MAP3K4: variants seen among roughly 807,000 people sequenced by gnomAD.
The protein encoded by MAP3K4 is MAP three kinase 1.
Under a neutral mutation model 185.6 loss-of-function variants are expected in MAP3K4, and 67 were observed. The ratio of observed to expected loss-of-function variants is 0.36; its 90% CI spans 0.30 to 0.44. The LOEUF (loss-of-function observed/expected upper bound fraction) is 0.44. MAP3K4 is among the 20% of genes least tolerant of loss of function. The pLI is 1.00. For synonymous variants in MAP3K4, 702 were observed against 710.4 expected (o/e 0.99, Z 0.19); for missense variants, 1,551 against 1,995.1 (o/e 0.78, Z 4.24).
rs1562477292 is a variant in MAP3K4, at chr6:161,007,815, T to C, written c.152+15732T>C. 6.6e-6 allele frequency among the ~76,000 whole-genome samples: 1 copy of C among 152,188 alleles called. No individual in the cohort carries two copies. The highest frequency in any genetic ancestry group is 1.5e-5 in the Non-Finnish European group (1 of 68,026). ...AAACATAAAAGGCTGTCAATTGTAATATGCAGCATAAATTTTATATGTCAC... is the reference window on the plus strand; with the variant it reads ...AAACATAAAAGGCTGTCAATTGTAACATGCAGCATAAATTTTATATGTCAC... On this transcript the variant is annotated intron_variant, in intron 1 of 26. Transcript: ENST00000392142. This position sits in a 1 kb window ranked among gnomAD's most constrained non-coding sequence, Gnocchi z 4.5.
intron 3 of MAP3K4, among the ~76,000 whole-genome samples, chr6:161,065,842 G>T (rs1377945372): frequency 6.8e-6 from 1 of 147,998 alleles, no homozygotes; most frequent in Non-Finnish European, 1.5e-5. Context: ...GGAGGCTGAG[G>T]CAGGAGAATG....
intron 1 of MAP3K4, among the ~76,000 whole-genome samples, chr6:161,005,513 T>A (rs705828): frequency 0.76 from 115,874 of 151,970 alleles, 44,690 homozygotes; most frequent in Non-Finnish European, 0.82. Flanking sequence ...GAATACCCAT[T>A]GATTAAGTCA....
intron 3 of MAP3K4, among the ~76,000 whole-genome samples, chr6:161,068,469 G>A (rs1349724792): frequency 6.6e-6 from 1 of 152,204 alleles, no homozygotes; most frequent in East Asian, 1.9e-4. Flanking sequence ...GGTGGTGGCA[G>A]GAGATAAGGA....
At chr6:161,036,569 T>A (rs1783173183) in intron 2 of MAP3K4, among the ~76,000 whole-genome samples, 1 of 152,230 alleles carries the variant, frequency 6.6e-6, no homozygotes, top group East Asian at 1.9e-4. Flanking sequence ...TTTAATGTTT[T>A]ATGAACTTTT....
Position 161,048,915 on chromosome 6 carries a change from A to C in MAP3K4, c.643A>C (p.Arg215=). The change falls in exon 3 of 27, where the codon AGG becomes CGG. Residue 215 remains arginine, a synonymous_variant. Transcript: ENST00000392142. The surrounding 1 kb of genome is among the most constrained non-coding windows in gnomAD (Gnocchi z 4.7). ...PIARPARQTS[R]TDCPADRLKF... is the part of the protein sequence containing the mutation. ...AGCCAGACCTGCACGCCAGACTTCTAGGACTGACTGTCCAGCAGATCGTTT... is the reference window on the plus strand; with the variant it reads ...AGCCAGACCTGCACGCCAGACTTCTCGGACTGACTGTCCAGCAGATCGTTT... 6.2e-7 allele frequency: 1 copy of C among 1,614,152 alleles called. No individual in the cohort carries two copies. Among genetic ancestry groups the C allele is most frequent in the Non-Finnish European group, 8.5e-7 (1 of 1,180,028 alleles).
In MAP3K4 at chr6:161,080,554, A is replaced by G; in HGVS notation, c.2098-327A>G. The G allele has an allele frequency of 3.3e-6, 1 of 300,904 alleles. No homozygotes were observed. 18.6% of individuals were successfully genotyped at this position (300,904 alleles called of 1,614,324 possible). ...AACCTCTTAAAGGAATAATGTTGAC[A>G]GTACATTCATAATGAAAAGTTCTGG... On this transcript the variant is annotated intron_variant, in intron 5 of 26. Transcript: ENST00000392142. The surrounding 1 kb of genome is among the most constrained non-coding windows in gnomAD (Gnocchi z 4.8).
Position 161,084,758 on chromosome 6 carries a change from T to C in MAP3K4, c.2372+141T>C. ...GGCAGTAGATGTAAAGGGATTTATT[T>C]ATAACTGCCTTGTCTTTTCATGTGA... On this transcript the variant is annotated intron_variant, in intron 7 of 26. Transcript: ENST00000392142. This position sits in a 1 kb window ranked among gnomAD's most constrained non-coding sequence, Gnocchi z 4.6. 1 of 529,190 alleles carries C rather than the reference T, an allele frequency of 1.9e-6. No individual in the cohort carries two copies. Among genetic ancestry groups the C allele is most frequent in the East Asian group, 3.0e-5 (1 of 33,592 alleles). The allele number at this position is 529,190 out of a possible 1,614,324, so 32.8% of individuals were successfully genotyped here. A position where few individuals can be genotyped will look rare whatever the true frequency, so the allele number is the denominator to read the frequency against.
Position 161,111,930 on chromosome 6 carries a change from T to C in MAP3K4, c.4491T>C (p.Gly1497=), listed in dbSNP as rs1420864187. Residue 1497 remains glycine, a synonymous_variant, in exon 24 of 27, where the codon GGT becomes GGC. Coordinates refer to ENST00000392142, the MANE Select transcript of MAP3K4 (RefSeq NM_005922.4). ...KLKNNAQTMP[G]EVNSTLGTAA... Reference sequence around the variant, plus strand: ...AAAACAATGCCCAGACCATGCCTGGTGAAGTGAACAGCACCCTGGGGACAG... The same window carrying C: ...AAAACAATGCCCAGACCATGCCTGGCGAAGTGAACAGCACCCTGGGGACAG... The C allele has an allele frequency of 2.5e-6, 4 of 1,614,046 alleles. No individual in the cohort carries two copies. Among genetic ancestry groups the C allele is most frequent in the Admixed American group, 1.7e-5 (1 of 60,006 alleles).
chr6:161,058,613 C>T (rs1194404817), intron 3 of MAP3K4, among the ~76,000 whole-genome samples: 2 of 152,132 alleles, frequency 1.3e-5, no homozygotes, highest in Admixed American at 1.3e-4. Context: ...TTTATATTTT[C>T]TAGAGTTTTT....
chr6:161,034,175 A>G lies in MAP3K4; in HGVS notation c.153-84A>G. On this transcript the variant is annotated intron_variant, in intron 1 of 26. Coordinates refer to ENST00000392142, the MANE Select transcript of MAP3K4 (RefSeq NM_005922.4). The surrounding 1 kb of genome is among the most constrained non-coding windows in gnomAD (Gnocchi z 4.4). ...GATTTTTCTGTACAAAAGTTTTACA[A>G]AGAATTATTTAAAAAATTATAAGTA... 8.8e-7 allele frequency: 1 copy of G among 1,134,578 alleles called. No homozygotes were observed. Among genetic ancestry groups the G allele is most frequent in the Admixed American group, 2.4e-5 (1 of 41,520 alleles). The allele number at this position is 1,134,578 out of a possible 1,614,324, so 70.3% of individuals were successfully genotyped here.
At position 161,097,095 on chromosome 6, in the gene MAP3K4, G is replaced by GC; in HGVS notation, c.3448dup (p.Arg1150ProfsTer10). 1 of 1,614,036 alleles carries GC rather than the reference G, an allele frequency of 6.2e-7. No individual in the cohort carries two copies. Among genetic ancestry groups the GC allele is most frequent in the Non-Finnish European group, 8.5e-7 (1 of 1,179,972 alleles). On this transcript the variant is annotated frameshift_variant, in exon 16 of 27. Coordinates refer to ENST00000392142, the MANE Select transcript of MAP3K4 (RefSeq NM_005922.4). LOFTEE classifies it high-confidence loss of function. This position sits in a 1 kb window ranked among gnomAD's most constrained non-coding sequence, Gnocchi z 4.9. ...TTGCTGGCAGCCATTCATCGGAACA[G>GC]CCCCCGTCCTATGAAGGTACCTCGA...
In MAP3K4 at chr6:161,022,026, A is replaced by G. The variant is rs950312668; in HGVS notation, c.153-12233A>G. Among the ~76,000 whole-genome samples the G allele has an allele frequency of 2.0e-5, 3 of 152,206 alleles. No individual in the cohort carries two copies. The highest frequency in any genetic ancestry group is 7.2e-5 in the African/African-American group (3 of 41,458). On this transcript the variant is annotated intron_variant, in intron 1 of 26. Coordinates refer to ENST00000392142, the MANE Select transcript of MAP3K4 (RefSeq NM_005922.4). The surrounding 1 kb of genome is among the most constrained non-coding windows in gnomAD (Gnocchi z 4.2). ...CCCTTATAGAATCCTGTTTTCAATG[A>G]AAAAGAAAAAAGAAGAGTTGTTGTT...
rs1777809707 is a variant in MAP3K4, at chr6:161,100,830, C to T, written c.3675-1062C>T. Among the ~76,000 whole-genome samples, 1 of 152,104 alleles carries T rather than the reference C, an allele frequency of 6.6e-6. No individual in the cohort carries two copies. Among genetic ancestry groups the T allele is most frequent in the African/African-American group, 2.4e-5 (1 of 41,392 alleles). ...TGGAGTAGGCTTCCTCACTTCAACA[C>T]CAGTGGTTTTCCCGTCAGATAGTGC... On this transcript the variant is annotated intron_variant, in intron 17 of 26. Coordinates refer to ENST00000392142, the MANE Select transcript of MAP3K4 (RefSeq NM_005922.4). This position sits in a 1 kb window ranked among gnomAD's most constrained non-coding sequence, Gnocchi z 5.8.
chr6:161,030,932 T>A lies in MAP3K4; in HGVS notation c.153-3327T>A, dbSNP rs184037765. ...TCCTAAGAAAATATTAAATTCATTT[T>A]AATTACGAATTATAAGTATAGTGGC... On this transcript the variant is annotated intron_variant, in intron 1 of 26. Transcript: ENST00000392142. Among the ~76,000 whole-genome samples, 435 of 152,364 alleles carry A rather than the reference T, an allele frequency of 2.9e-3. 1 individual carries two copies. Among genetic ancestry groups the A allele is most frequent in the African/African-American group, 0.01 (416 of 41,580 alleles).
intron 1 of MAP3K4, among the ~76,000 whole-genome samples, chr6:161,004,886 C>T (rs1035541542): frequency 1.3e-5 from 2 of 152,086 alleles, no homozygotes; most frequent in East Asian, 3.9e-4. Context: ...TAAAGAATAA[C>T]TTTTACAGTC....
chr6:161,104,706 T>A (rs1222839834), intron 19 of MAP3K4, among the ~76,000 whole-genome samples: 1 of 60,700 alleles, frequency 1.6e-5, no homozygotes, highest in Admixed American at 1.9e-4. Flanking sequence ...GGAGACTCCA[T>A]CTCAAAAAAA....
chr6:161,040,023 T>C (rs912947907), intron 2 of MAP3K4, among the ~76,000 whole-genome samples: 3 of 152,186 alleles, frequency 2.0e-5, no homozygotes, highest in Non-Finnish European at 4.4e-5. Flanking sequence ...ATTGCTGTAT[T>C]GAATGGTATG....
At chr6:161,060,913 C>T (rs2114791234) in intron 3 of MAP3K4, among the ~76,000 whole-genome samples, 1 of 152,284 alleles carries the variant, frequency 6.6e-6, no homozygotes, top group African/African-American at 2.4e-5. Context: ...AGCCACCGCG[C>T]CCGGCCACTG....
rs1486428235 is a variant in MAP3K4, at chr6:161,070,294, C to G, written c.1708-314C>G. The stretch of plus-strand genomic sequence containing the variant: ...TATATAACCTGAAAAATAAAGTGTT[C>G]TGATCATTTTAAGTGTGAGGCAAAA... On this transcript the variant is annotated intron_variant, in intron 3 of 26. Transcript: ENST00000392142. The surrounding 1 kb of genome is among the most constrained non-coding windows in gnomAD (Gnocchi z 4.5). Among the ~76,000 whole-genome samples the G allele has an allele frequency of 6.6e-6, 1 of 152,056 alleles. No homozygotes were observed. Among genetic ancestry groups the G allele is most frequent in the Admixed American group, 6.5e-5 (1 of 15,280 alleles).
Sources: gnomAD v4.1 joint callset for allele counts (sites outside exome capture counted in the v4.1 genomes callset) on GRCh38, gnomAD v4.1.1 for gene constraint, Gnocchi (gnomAD v3.1) non-coding constraint, MANE v1.5 for transcripts, NCBI Gene and HGNC (gene_info 2026-07-23, HGNC 2026-07-21) for gene names.